The following TRIM31 variants were observed in gnomAD, a reference collection of about 807,000 sequenced individuals.
The protein encoded by TRIM31 is E3 ubiquitin-protein ligase TRIM31.
Under a neutral mutation model 40.6 loss-of-function variants are expected in TRIM31, and 31 were observed. That is an observed-to-expected ratio of 0.76 (90% CI 0.57 to 1.03). The LOEUF (loss-of-function observed/expected upper bound fraction) is 1.03. Ranked by LOEUF, TRIM31 falls within the 50% of genes least tolerant of loss-of-function variation. The pLI, the probability that TRIM31 is intolerant of heterozygous loss-of-function variation, is 0.00. For missense variants in TRIM31, 455 were observed against 497.5 expected, an observed-to-expected ratio of 0.91 and a Z score of 0.81; for synonymous variants, 164 against 193.9, an observed-to-expected ratio of 0.85 and a Z score of 1.28.
chr6:30,105,278 C>A (rs1352685598), intron 6 of TRIM31, 36 bp from the exon 7 acceptor site: 8 of 1,556,538 alleles, frequency 5.1e-6, no homozygotes, highest in Non-Finnish European at 7.1e-6. Context: ...TGGTGAGAGT[C>A]CAGAGGGGTT....
intron 6 of TRIM31, 115 bp from the exon 7 acceptor site, chr6:30,105,357 T>G: frequency 1.3e-6 from 1 of 758,226 alleles, no homozygotes; most frequent in Non-Finnish European, 2.2e-6. Flanking sequence ...GAAGCTGCAT[T>G]TGACTCTCAT....
At chr6:30,109,317 A>G (rs1769061198) in intron 4 of TRIM31, among the ~76,000 whole-genome samples, 7 of 142,936 alleles carry the variant, frequency 4.9e-5, no homozygotes. Flanking sequence ...TTTGGCTCTG[A>G]GACTGAACAA....
chr6:30,103,998 C>T, intron 8 of TRIM31, 104 bp downstream of exon 8: 1 of 1,374,148 alleles, frequency 7.3e-7, no homozygotes. Context: ...TAAATGAATT[C>T]ATTCATTTAT....
chr6:30,108,267 C>CT, intron 5 of TRIM31, 99 bp from the exon 6 acceptor site: 1 of 843,900 alleles, frequency 1.2e-6, no homozygotes, highest in Non-Finnish European at 2.0e-6. Context: ...GGATGAAGAC[C>CT]TGGGGGTAGA....
chr6:30,106,126 G>C (rs1438619474), intron 6 of TRIM31, among the ~76,000 whole-genome samples: 1 of 152,220 alleles, frequency 6.6e-6, no homozygotes, highest in Non-Finnish European at 1.5e-5. Context: ...TGGACTGAGT[G>C]GAGAACTATA....
rs370371499 is a variant in TRIM31 at position 30,104,581 on chromosome 6, T to C, written c.959-414A>G. ...CTCTCTCTTTCACTTAATGATCATA[T>C]GACCTGGGTAACTTACCTCCCCTCC... is the stretch of plus-strand genomic sequence containing the variant. On this transcript the variant is annotated intron_variant, in intron 7 of 8. Coordinates refer to ENST00000376734, the MANE Select transcript of TRIM31 (RefSeq NM_007028.5). 3.0e-4 allele frequency among the ~76,000 whole-genome samples: 45 copies of C among 152,342 alleles called. 3 individuals are homozygous for C. The East Asian group carries it at 3.1e-3, about 10-fold the overall frequency.
chr6:30,111,767 C>T, intron 2 of TRIM31, 24 bp from the exon 3 acceptor site: 1 of 1,611,830 alleles, frequency 6.2e-7, no homozygotes, highest in Non-Finnish European at 8.5e-7. Context: ...GCCGTTTGGA[C>T]AGGCTGTGCC....
chr6:30,103,982 A>G, intron 8 of TRIM31, 120 bp downstream of exon 8: 2 of 1,396,808 alleles, frequency 1.4e-6, no homozygotes, highest in African/African-American at 1.4e-5. Flanking sequence ...AACTGAGGAA[A>G]TGGAATAAAT....
intron 2 of TRIM31, 150 bp from the exon 3 acceptor site, chr6:30,111,893 G>A: frequency 1.4e-6 from 1 of 712,660 alleles, no homozygotes; most frequent in South Asian, 1.8e-5. Context: ...GGCGGGGAAA[G>A]GGGTTGCTGA....
rs1769480512 is a variant in TRIM31, at chr6:30,112,684, G to A, written c.122C>T (p.Thr41Ile). 6.2e-7 allele frequency: 1 copy of A among 1,613,026 alleles called. No homozygotes were observed. Among genetic ancestry groups the A allele is most frequent in the African/African-American group, 1.3e-5 (1 of 74,942 alleles). Residue 41 changes from threonine (T) to isoleucine (I), a missense_variant, in exon 2 of 9, where the codon ACT becomes ATT. Physicochemically the swap from Thr to Ile is moderately conservative, Grantham distance 89 (BLOSUM62 -1). Coordinates refer to ENST00000376734, the MANE Select transcript of TRIM31 (RefSeq NM_007028.5). ...TCCACATGATGTTTCCCCAATCTGA[G>A]TGATGCATTTGAGGCAGAAATTGTG... ...CGHNFCLKCITQIGETSCGFF... is the reference protein window; with the variant it reads ...CGHNFCLKCIIQIGETSCGFF...
chr6:30,103,403 C>T lies in TRIM31; in HGVS notation c.*133G>A. 1 of 1,333,110 alleles carries T rather than the reference C, an allele frequency of 7.5e-7. No individual in the cohort carries two copies. Among genetic ancestry groups the T allele is most frequent in the Non-Finnish European group, 1.0e-6 (1 of 971,702 alleles). The allele number at this position is 1,333,110 out of a possible 1,614,324, so 82.6% of individuals were successfully genotyped here. A position where few individuals can be genotyped will look rare whatever the true frequency, so the allele number is the denominator to read the frequency against. On this transcript the variant is annotated 3_prime_UTR_variant, in exon 9 of 9. Coordinates refer to ENST00000376734, the MANE Select transcript of TRIM31 (RefSeq NM_007028.5). ...CATCTCCACTCTCAGTAGCCCGAGC[C>T]CTCCCATTCTCCACTCCTTCGACCC...
At chr6:30,108,245 T>G in intron 5 of TRIM31, 77 bp from the exon 6 acceptor site, 2 of 1,006,894 alleles carry the variant, frequency 2.0e-6, no homozygotes, top group Non-Finnish European at 3.1e-6. Context: ...GATACGCGGT[T>G]GAGAAATGAG....
intron 4 of TRIM31, among the ~76,000 whole-genome samples, chr6:30,109,831 C>T (rs949639849): frequency 6.6e-6 from 1 of 152,048 alleles, no homozygotes; most frequent in Non-Finnish European, 1.5e-5. Flanking sequence ...CACTGTACTC[C>T]AGCCTGGGCA....
At chr6:30,111,323 C>T (rs892912591) in intron 3 of TRIM31, 14 of 325,816 alleles carry the variant, frequency 4.3e-5, no homozygotes, top group African/African-American at 2.8e-4. Flanking sequence ...CGTGAGCCAC[C>T]GCGCCCGGCC....
Position 30,112,550 on chromosome 6 carries a change from C to T in TRIM31, c.256G>A (p.Val86Met). The change falls in exon 2 of 9, where the codon GTG (valine) becomes ATG (methionine). Residue 86 changes from valine (V) to methionine (M), a missense_variant. Coordinates refer to ENST00000376734, the MANE Select transcript of TRIM31 (RefSeq NM_007028.5). ...GTAGCCTCTTTCCTTTTGGACTGCA[C>T]CTCAGAGGCTTGTAGAGCTTGGATT... is the stretch of plus-strand genomic sequence containing the variant. ...EKIQALQASE[V>M]QSKRKEATCP... is the part of the protein sequence containing the mutation. The T allele has an allele frequency of 6.2e-7, 1 of 1,613,132 alleles. No individual in the cohort carries two copies. The highest frequency in any genetic ancestry group is 8.5e-7 in the Non-Finnish European group (1 of 1,180,050).
chr6:30,111,851 T>C, intron 2 of TRIM31, 108 bp from the exon 3 acceptor site: 1 of 1,019,364 alleles, frequency 9.8e-7, no homozygotes, highest in South Asian at 1.4e-5. Context: ...TGAGTCCTTG[T>C]GTAATTATTA....
intron 3 of TRIM31, 108 bp downstream of exon 3, chr6:30,111,540 A>G: frequency 1.8e-6 from 2 of 1,130,650 alleles, no homozygotes; most frequent in Non-Finnish European, 2.6e-6. Context: ...CGAGGAGAGG[A>G]CATGGCTCAC....
chr6:30,104,781 T>C (rs1337546379), intron 7 of TRIM31, among the ~76,000 whole-genome samples: 1 of 152,198 alleles, frequency 6.6e-6, no homozygotes, highest in African/African-American at 2.4e-5. Context: ...CAGGCTGTTA[T>C]TACAGTGGGT....
chr6:30,112,146 GC>G (rs1769395359), intron 2 of TRIM31: 2 of 575,234 alleles, frequency 3.5e-6, no homozygotes, highest in Non-Finnish European at 6.0e-6. Flanking sequence ...CTGGGCTTGA[GC>G]CCAAACCTTC....
Sources: gnomAD v4.1 joint callset for allele counts (sites outside exome capture counted in the v4.1 genomes callset) on GRCh38, gnomAD v4.1.1 for gene constraint, MANE v1.5 for transcripts, NCBI Gene and HGNC (gene_info 2026-07-23, HGNC 2026-07-21) for gene names.